Variants in SYN2 observed in about 807,000 individuals in gnomAD.
SYN2 encodes the protein synapsin-2.
A neutral mutation model predicts 50.9 loss-of-function variants in SYN2; 19 were observed. That is an observed-to-expected ratio of 0.37 (90% CI 0.26 to 0.55). SYN2 has a LOEUF of 0.55. Among genes scored for constraint, SYN2 ranks in the 20% least tolerant of loss-of-function variants. SYN2 has a pLI of 0.81. For missense variants in SYN2, 587 were observed against 576.4 expected, an observed-to-expected ratio of 1.02 and a Z score of -0.19; for synonymous variants, 255 against 224.9, an observed-to-expected ratio of 1.13 and a Z score of -1.20.
intron 10 of SYN2, among the ~76,000 whole-genome samples, chr3:12,181,416 G>A (rs753335589): frequency 4.6e-5 from 7 of 152,206 alleles, no homozygotes; most frequent in Non-Finnish European, 7.4e-5. Flanking sequence ...GAAGGCATGG[G>A]CCAGACTAGA....
chr3:12,087,643 T>C (rs763055303), intron 1 of SYN2, among the ~76,000 whole-genome samples: 4 of 151,854 alleles, frequency 2.6e-5, no homozygotes, highest in Non-Finnish European at 5.9e-5. Flanking sequence ...CCCCGGCTGC[T>C]TGGGGAGGTT....
intron 11 of SYN2, among the ~76,000 whole-genome samples, chr3:12,186,991 C>T (rs1042424260): frequency 6.6e-6 from 1 of 152,224 alleles, no homozygotes; most frequent in African/African-American, 2.4e-5. Context: ...CCATGTGGAA[C>T]TTGAGACTTC....
intron 1 of SYN2, among the ~76,000 whole-genome samples, chr3:12,115,703 C>G (rs1696418773): frequency 6.6e-6 from 1 of 152,126 alleles, no homozygotes; most frequent in African/African-American, 2.4e-5. Context: ...TGATTTTTGC[C>G]TCCCTAAATT....
chr3:12,063,146 T>C (rs772819179), intron 1 of SYN2, among the ~76,000 whole-genome samples: 1 of 151,848 alleles, frequency 6.6e-6, no homozygotes, highest in Non-Finnish European at 1.5e-5. Flanking sequence ...TTCTATATGA[T>C]ACTGAAATGG....
chr3:12,057,716 T>C (rs1695025167), intron 1 of SYN2, among the ~76,000 whole-genome samples: 1 of 152,218 alleles, frequency 6.6e-6, no homozygotes, highest in South Asian at 2.1e-4. Context: ...CCAATCTCTA[T>C]AGCTTTCTGC....
chr3:12,095,450 A>AGG (rs143095555), intron 1 of SYN2, among the ~76,000 whole-genome samples: 99,613 of 117,886 alleles, frequency 0.84, 42,286 homozygotes, highest in East Asian at 0.96. Context: ...CGGGAGACTG[A>AGG]GGCAGGAGAA....
chr3:12,086,576 A>G (rs1695706176), intron 1 of SYN2, among the ~76,000 whole-genome samples: 1 of 152,226 alleles, frequency 6.6e-6, no homozygotes, highest in South Asian at 2.1e-4. Context: ...GTAGATCAAT[A>G]AATGTGATAC....
intron 3 of SYN2, among the ~76,000 whole-genome samples, chr3:12,142,371 A>G (rs1026189150): frequency 3.3e-5 from 5 of 152,224 alleles, no homozygotes; most frequent in Non-Finnish European, 7.3e-5. Context: ...CAGACTTGAA[A>G]ATGTCTGATG....
chr3:12,143,540 T>C (rs1697077218), intron 3 of SYN2, among the ~76,000 whole-genome samples: 1 of 152,180 alleles, frequency 6.6e-6, no homozygotes, highest in African/African-American at 2.4e-5. Flanking sequence ...AAATGCAGTA[T>C]TTGATTTTCT....
At position 12,153,505 on chromosome 3, in the gene SYN2, C is replaced by G. The variant is rs374064867; in HGVS notation, c.774+2179C>G. 3.1e-6 allele frequency: 5 copies of G among 1,612,848 alleles called. No homozygotes were observed. The African/African-American group carries it at 5.3e-5, about 17-fold the overall frequency. On this transcript the variant is annotated intron_variant, in intron 5 of 12. Transcript: ENST00000621198. ...GACTCTTGAAGGGATGTGATGGTCA[C>G]TGGTCCCTACTAGGGCTGAACGATG...
chr3:12,172,430 A>G (rs1574884465), intron 10 of SYN2, among the ~76,000 whole-genome samples: 1 of 152,222 alleles, frequency 6.6e-6, no homozygotes, highest in Admixed American at 6.5e-5. Context: ...ACTGAAAGCT[A>G]TTATACTCAC....
At chr3:12,137,832 T>C (rs1043386622) in intron 1 of SYN2, among the ~76,000 whole-genome samples, 3 of 152,240 alleles carry the variant, frequency 2.0e-5, no homozygotes, top group Non-Finnish European at 4.4e-5. Context: ...GGGAAGTATA[T>C]GTGATAAGAG....
At chr3:12,158,618 C>T in intron 5 of SYN2, 1 of 1,561,490 alleles carries the variant, frequency 6.4e-7, no homozygotes, top group Non-Finnish European at 8.7e-7. Flanking sequence ...CTCCCTTTTC[C>T]TCTGGACTCC....
intron 12 of SYN2, among the ~76,000 whole-genome samples, chr3:12,188,603 T>C (rs1183152270): frequency 4.4e-5 from 3 of 67,688 alleles, no homozygotes; most frequent in African/African-American, 2.1e-4. Context: ...AAAACTTTGC[T>C]CAAAGAAAAA....
intron 5 of SYN2, chr3:12,158,648 T>TA: frequency 1.2e-6 from 2 of 1,602,118 alleles, no homozygotes; most frequent in Non-Finnish European, 1.7e-6. Context: ...GCTGGCCAGA[T>TA]ACTAATCCCC....
At chr3:12,129,262 C>A (rs1031871374) in intron 1 of SYN2, among the ~76,000 whole-genome samples, 4 of 151,864 alleles carry the variant, frequency 2.6e-5, no homozygotes, top group African/African-American at 7.3e-5. Context: ...GCAGGACATG[C>A]AAAAATCTGA....
chr3:12,158,948 G>T, intron 5 of SYN2: 1 of 1,395,792 alleles, frequency 7.2e-7, no homozygotes, highest in Non-Finnish European at 9.3e-7. Flanking sequence ...TTATGAGGTG[G>T]CCCTAAGGGC....
chr3:12,190,485 T>G lies in SYN2; in HGVS notation c.1614-5T>G. 1 of 1,613,750 alleles carries G rather than the reference T, an allele frequency of 6.2e-7. No individual in the cohort carries two copies. The highest frequency in any genetic ancestry group is 8.5e-7 in the Non-Finnish European group (1 of 1,179,798). Reference sequence around the variant, plus strand: ...CTCACATTCTCTCTGGTTTTTATCTTCAAGCAAGTCGCAGTCCCTGACAAA... The same window carrying G: ...CTCACATTCTCTCTGGTTTTTATCTGCAAGCAAGTCGCAGTCCCTGACAAA... On this transcript the variant is annotated splice_region_variant and splice_polypyrimidine_tract_variant and intron_variant, in intron 12 of 12. Coordinates refer to ENST00000621198, the MANE Select transcript of SYN2 (RefSeq NM_133625.6).
chr3:12,185,069 G>A (rs763592639), intron 11 of SYN2: 1 of 985,836 alleles, frequency 1.0e-6, no homozygotes, highest in Non-Finnish European at 1.2e-6. Flanking sequence ...ACAGAGAAAT[G>A]CATTGAGTGT....
Sources: gnomAD v4.1 joint callset for allele counts (sites outside exome capture counted in the v4.1 genomes callset) on GRCh38, gnomAD v4.1.1 for gene constraint, MANE v1.5 for transcripts, NCBI Gene and HGNC (gene_info 2026-07-23, HGNC 2026-07-21) for gene names.